GRHL2: variants seen among roughly 807,000 people sequenced by gnomAD.
GRHL2 encodes grainyhead-like protein 2 homolog.
A neutral mutation model predicts 83.8 loss-of-function variants in GRHL2; 21 were observed. The ratio of observed to expected loss-of-function variants is 0.25; its 90% CI spans 0.18 to 0.36. GRHL2 has a LOEUF of 0.36. Ranked by LOEUF, GRHL2 falls within the 10% of genes least tolerant of loss-of-function variation. The pLI, the probability that GRHL2 is intolerant of heterozygous loss-of-function variation, is 1.00. For missense variants in GRHL2, 623 were observed against 781.8 expected (o/e 0.80, Z 2.42); for synonymous variants, 280 against 278.9 (o/e 1.00, Z -0.04).
At chr8:101,602,548 T>A (rs572716803) in intron 8 of GRHL2, among the ~76,000 whole-genome samples, 1 of 152,372 alleles carries the variant, frequency 6.6e-6, no homozygotes, top group South Asian at 2.1e-4. Context: ...TTTGTACTTC[T>A]GTTTAGAATT....
At chr8:101,505,066 T>C (rs1810310338) in intron 1 of GRHL2, among the ~76,000 whole-genome samples, 1 of 150,688 alleles carries the variant, frequency 6.6e-6, no homozygotes, top group East Asian at 2.0e-4. Flanking sequence ...ACCAAAGCAA[T>C]CTTCGGCTGC....
intron 11 of GRHL2, among the ~76,000 whole-genome samples, chr8:101,635,674 G>A (rs187205091): frequency 4.6e-5 from 7 of 152,264 alleles, no homozygotes; most frequent in African/African-American, 1.4e-4. Flanking sequence ...AATGACAGTT[G>A]CTCTGAATGC....
chr8:101,674,554 A>T (rs62517405), downstream of GRHL2, among the ~76,000 whole-genome samples: 3 of 152,304 alleles, frequency 2.0e-5, no homozygotes, highest in East Asian at 5.8e-4. Flanking sequence ...TCTGAAATTG[A>T]GGCAGTAATC....
At chr8:101,675,885 G>C in the GRHL2 span, among the ~76,000 whole-genome samples, 1 of 152,132 alleles carries the variant, frequency 6.6e-6, no homozygotes, top group African/African-American at 2.4e-5. Context: ...GAACAGAACA[G>C]AGCCCTCAGA....
At chr8:101,599,406 G>A (rs1812464271) in intron 8 of GRHL2, among the ~76,000 whole-genome samples, 1 of 152,188 alleles carries the variant, frequency 6.6e-6, no homozygotes, top group African/African-American at 2.4e-5. Flanking sequence ...GAGCTGGGAA[G>A]ATGGGGCCTG....
At position 101,527,360 on chromosome 8, in the gene GRHL2, T is replaced by C. The variant is rs634196; in HGVS notation, c.21-15881T>C. ...TCAACATGCTTTTTATTTTACCTCA[T>C]TATTACATAAAAAATTTTTTTGTAG... On this transcript the variant is annotated intron_variant, in intron 1 of 15. Coordinates refer to ENST00000646743, the MANE Select transcript of GRHL2 (RefSeq NM_024915.4). 5.4e-3 allele frequency among the ~76,000 whole-genome samples: 827 copies of C among 152,310 alleles called. 3 individuals are homozygous for C. The highest frequency in any genetic ancestry group is 8.6e-3 in the Non-Finnish European group (583 of 68,022).
chr8:101,652,427 TGTGTGTGTCTGGTGTGTGTG>T (rs1813666182), intron 14 of GRHL2, among the ~76,000 whole-genome samples: 7 of 55,210 alleles, frequency 1.3e-4, no homozygotes, highest in Non-Finnish European at 2.3e-4. Flanking sequence ...GTGTGTGTGG[TGTGTGTGTCTGGTGTGTGTG>T]GTGTGTGTCT....
intron 3 of GRHL2, among the ~76,000 whole-genome samples, chr8:101,553,896 G>T (rs867672697): frequency 5.9e-5 from 9 of 152,028 alleles, no homozygotes; most frequent in Admixed American, 3.3e-4. Context: ...AAAGTGCTGG[G>T]ATTACAGGTG....
chr8:101,647,155 C>T (rs947101394), intron 13 of GRHL2, among the ~76,000 whole-genome samples: 7 of 152,140 alleles, frequency 4.6e-5, no homozygotes, highest in African/African-American at 1.2e-4. Flanking sequence ...GAGGCTGAGG[C>T]GGGTGGATCA....
intron 9 of GRHL2, among the ~76,000 whole-genome samples, chr8:101,627,578 A>C (rs1382730448): frequency 3.3e-5 from 5 of 152,212 alleles, no homozygotes; most frequent in African/African-American, 1.2e-4. Flanking sequence ...ACGGCCCCTG[A>C]GTGTTCAAGT....
intron 4 of GRHL2, among the ~76,000 whole-genome samples, chr8:101,560,561 G>A (rs1811588319): frequency 6.6e-6 from 1 of 152,200 alleles, no homozygotes; most frequent in Non-Finnish European, 1.5e-5. Flanking sequence ...GCTCATGTAT[G>A]TTTAACTTCA....
chr8:101,625,950 A>C (rs1813071447), intron 9 of GRHL2, among the ~76,000 whole-genome samples: 1 of 152,082 alleles, frequency 6.6e-6, no homozygotes, highest in Non-Finnish European at 1.5e-5. Flanking sequence ...GGGTGTATTC[A>C]TCGTAATTAC....
At chr8:101,602,350 G>A (rs943031900) in intron 8 of GRHL2, among the ~76,000 whole-genome samples, 5 of 152,176 alleles carry the variant, frequency 3.3e-5, no homozygotes, top group African/African-American at 1.2e-4. Context: ...TATCTATCAG[G>A]AGCAGTTGCA....
downstream of GRHL2, among the ~76,000 whole-genome samples, chr8:101,672,905 T>C (rs12547409): frequency 0.24 from 36,029 of 150,608 alleles, 4,253 homozygotes; most frequent in African/African-American, 0.28. Flanking sequence ...TATTCAACAT[T>C]CTTAAAGAAA....
chr8:101,629,366 C>T (rs527330518), intron 9 of GRHL2, among the ~76,000 whole-genome samples: 20 of 151,692 alleles, frequency 1.3e-4, no homozygotes, highest in East Asian at 5.8e-4. Context: ...TTAGACATAA[C>T]GCTATTGCAC....
intron 13 of GRHL2, among the ~76,000 whole-genome samples, chr8:101,648,492 G>A (rs1031219381): frequency 2.0e-5 from 3 of 152,182 alleles, no homozygotes; most frequent in Non-Finnish European, 4.4e-5. Flanking sequence ...CCTGGGCTAA[G>A]CGTGCCACAT....
intron 1 of GRHL2, among the ~76,000 whole-genome samples, chr8:101,516,267 T>C (rs969635083): frequency 6.6e-6 from 1 of 152,162 alleles, no homozygotes; most frequent in Non-Finnish European, 1.5e-5. Context: ...TAAAATATAA[T>C]TTTAATTTTT....
intron 8 of GRHL2, among the ~76,000 whole-genome samples, chr8:101,612,376 G>T (rs1812766988): frequency 6.6e-6 from 1 of 150,626 alleles, no homozygotes; most frequent in Admixed American, 6.6e-5. Flanking sequence ...GAATACTGTT[G>T]GACCCCCACC....
At chr8:101,678,462 C>T in the GRHL2 span, among the ~76,000 whole-genome samples, 1 of 152,104 alleles carries the variant, frequency 6.6e-6, no homozygotes, top group Admixed American at 6.5e-5. Context: ...ATTGCTAGCA[C>T]AGCAGTCTGA....
Sources: gnomAD v4.1 joint callset for allele counts (sites outside exome capture counted in the v4.1 genomes callset) on GRCh38, gnomAD v4.1.1 for gene constraint, MANE v1.5 for transcripts, NCBI Gene and HGNC (gene_info 2026-07-23, HGNC 2026-07-21) for gene names.